Variants in ST6GALNAC3 observed in about 807,000 individuals in gnomAD.
ST6GALNAC3 encodes the protein alpha-N-acetylgalactosaminide alpha-2,6-sialyltransferase 3.
ST6GALNAC3 carries 25 observed loss-of-function variants against 32.7 expected under a neutral mutation model. The ratio of observed to expected loss-of-function variants is 0.76; its 90% CI spans 0.56 to 1.07. The LOEUF (loss-of-function observed/expected upper bound fraction) is 1.07, where lower values mean the gene tolerates loss of function less well. Among genes scored for constraint, ST6GALNAC3 ranks in the 50% least tolerant of loss-of-function variants. The probability of loss-of-function intolerance (pLI) is 0.00; values close to 1 mark genes in which losing one functional copy is unlikely to be tolerated. For missense variants in ST6GALNAC3, 355 were observed against 382.4 expected (o/e 0.93, Z 0.60); for synonymous variants, 129 against 133.1 (o/e 0.97, Z 0.21).
chr1:76,196,548 C>T (rs1462662988), intron 1 of ST6GALNAC3, among the ~76,000 whole-genome samples: 1 of 151,910 alleles, frequency 6.6e-6, no homozygotes, highest in Non-Finnish European at 1.5e-5. Context: ...TCACTGCAGC[C>T]TCCTCCTCCC....
chr1:76,534,173 G>A (rs755511213), intron 3 of ST6GALNAC3, among the ~76,000 whole-genome samples: 1 of 152,054 alleles, frequency 6.6e-6, no homozygotes, highest in Non-Finnish European at 1.5e-5. Flanking sequence ...CTCCTGAGTA[G>A]CTGGGACTAC....
chr1:76,127,407 G>A (rs985664307), intron 1 of ST6GALNAC3, among the ~76,000 whole-genome samples: 4 of 152,166 alleles, frequency 2.6e-5, no homozygotes, highest in African/African-American at 9.7e-5. Context: ...AGGAAGCATG[G>A]CAAGAACTGT....
chr1:76,467,575 T>A (rs1461675411), intron 3 of ST6GALNAC3, among the ~76,000 whole-genome samples: 1 of 151,916 alleles, frequency 6.6e-6, no homozygotes, highest in African/African-American at 2.4e-5. Context: ...TGATTAAGTG[T>A]CTGCAGTAAA....
At chr1:76,255,697 GA>G (rs1437448180) in intron 1 of ST6GALNAC3, among the ~76,000 whole-genome samples, 2 of 152,092 alleles carry the variant, frequency 1.3e-5, no homozygotes, top group Non-Finnish European at 2.9e-5. Flanking sequence ...GAATGAACTT[GA>G]ACTTGCAACC....
At chr1:76,174,248 A>G (rs1467285276) in intron 1 of ST6GALNAC3, among the ~76,000 whole-genome samples, 1 of 152,192 alleles carries the variant, frequency 6.6e-6, no homozygotes, top group African/African-American at 2.4e-5. Flanking sequence ...GTTCTCACTC[A>G]TAAGTGGGAG....
chr1:76,479,113 G>A (rs188550173), intron 3 of ST6GALNAC3, among the ~76,000 whole-genome samples: 2 of 152,062 alleles, frequency 1.3e-5, no homozygotes, highest in Non-Finnish European at 2.9e-5. Flanking sequence ...GCTTAACCTG[G>A]TATTATAGAG....
At chr1:76,320,771 T>G (rs1233663923) in intron 2 of ST6GALNAC3, among the ~76,000 whole-genome samples, 1 of 152,140 alleles carries the variant, frequency 6.6e-6, no homozygotes, top group Non-Finnish European at 1.5e-5. Flanking sequence ...TTCATAGTTA[T>G]GAATCAGTAT....
intron 2 of ST6GALNAC3, among the ~76,000 whole-genome samples, chr1:76,376,635 A>G (rs1651258326): frequency 6.6e-6 from 1 of 152,218 alleles, no homozygotes; most frequent in African/African-American, 2.4e-5. Context: ...GGGTGTATCA[A>G]TTCTTATGAA....
At chr1:76,269,038 C>T (rs1427830767) in intron 1 of ST6GALNAC3, among the ~76,000 whole-genome samples, 2 of 152,134 alleles carry the variant, frequency 1.3e-5, no homozygotes, top group Admixed American at 1.3e-4. Flanking sequence ...ACTGTATTTC[C>T]CTAGAGGGAG....
At chr1:76,229,333 C>G (rs1266598907) in intron 1 of ST6GALNAC3, among the ~76,000 whole-genome samples, 1 of 152,154 alleles carries the variant, frequency 6.6e-6, no homozygotes, top group Non-Finnish European at 1.5e-5. Flanking sequence ...TTAGGATGAA[C>G]GAGAGACAGC....
At chr1:76,551,787 G>A (rs1404757492) in intron 3 of ST6GALNAC3, among the ~76,000 whole-genome samples, 1 of 152,036 alleles carries the variant, frequency 6.6e-6, no homozygotes, top group African/African-American at 2.4e-5. Context: ...CTATTTCACT[G>A]TATGCTTGTA....
At chr1:76,341,457 T>C (rs753749759) in intron 2 of ST6GALNAC3, among the ~76,000 whole-genome samples, 2 of 152,188 alleles carry the variant, frequency 1.3e-5, no homozygotes, top group Non-Finnish European at 2.9e-5. Context: ...TAATCCACTG[T>C]TGATGGGCAC....
chr1:76,185,556 A>T (rs115024152), intron 1 of ST6GALNAC3, among the ~76,000 whole-genome samples: 1 of 152,156 alleles, frequency 6.6e-6, no homozygotes, highest in African/African-American at 2.4e-5. Flanking sequence ...CCTCACTCTG[A>T]ATTTTACTCT....
chr1:76,093,116 T>A (rs1647072387), intron 1 of ST6GALNAC3, among the ~76,000 whole-genome samples: 1 of 152,192 alleles, frequency 6.6e-6, no homozygotes, highest in African/African-American at 2.4e-5. Flanking sequence ...ATGGGAAGAA[T>A]TGCATATCCT....
At chr1:76,158,531 G>T (rs1651612707) in intron 1 of ST6GALNAC3, among the ~76,000 whole-genome samples, 1 of 152,158 alleles carries the variant, frequency 6.6e-6, no homozygotes, top group Non-Finnish European at 1.5e-5. Flanking sequence ...AGCAACTCCA[G>T]TATCTTAAAA....
chr1:76,440,812 G>A (rs1249382602), intron 3 of ST6GALNAC3, among the ~76,000 whole-genome samples: 1 of 152,126 alleles, frequency 6.6e-6, no homozygotes, highest in Non-Finnish European at 1.5e-5. Context: ...TAGAGGCTGG[G>A]CGCAGTGACT....
intron 3 of ST6GALNAC3, among the ~76,000 whole-genome samples, chr1:76,576,283 A>G (rs148423164): frequency 3.1e-4 from 47 of 152,188 alleles, no homozygotes; most frequent in African/African-American, 9.9e-4. Context: ...AGACACAGAG[A>G]AAGGCCAAAG....
intron 3 of ST6GALNAC3, among the ~76,000 whole-genome samples, chr1:76,466,726 A>G (rs1658656179): frequency 6.6e-6 from 1 of 152,068 alleles, no homozygotes; most frequent in Admixed American, 6.6e-5. Flanking sequence ...GTGCTCAACA[A>G]TGGAGACTCT....
intron 3 of ST6GALNAC3, among the ~76,000 whole-genome samples, chr1:76,607,337 T>A (rs894994477): frequency 2.0e-5 from 3 of 152,130 alleles, no homozygotes; most frequent in African/African-American, 7.2e-5. Context: ...TAGGTAGAAT[T>A]TATTAAATTA....
Sources: gnomAD v4.1 joint callset for allele counts (sites outside exome capture counted in the v4.1 genomes callset) on GRCh38, gnomAD v4.1.1 for gene constraint, MANE v1.5 for transcripts, NCBI Gene and HGNC (gene_info 2026-07-23, HGNC 2026-07-21) for gene names.